ADAM7: variants seen among roughly 807,000 people sequenced by gnomAD.
ADAM7 encodes the protein disintegrin and metalloproteinase domain-containing protein 7.
ADAM7 carries 97 observed loss-of-function variants against 102.9 expected under a neutral mutation model. The ratio of observed to expected loss-of-function variants is 0.94; its 90% CI spans 0.80 to 1.12. ADAM7 has a LOEUF of 1.12. Among genes scored for constraint, ADAM7 ranks in the 50% most tolerant of loss-of-function variants. The pLI is 0.00. For synonymous variants in ADAM7, 334 were observed against 304.4 expected, an observed-to-expected ratio of 1.10 and a Z score of -1.01; for missense variants, 991 against 908.7, an observed-to-expected ratio of 1.09 and a Z score of -1.16.
At chr8:24,502,891 T>C (rs1820809858) in intron 20 of ADAM7, among the ~76,000 whole-genome samples, 1 of 145,152 alleles carries the variant, frequency 6.9e-6, no homozygotes, top group Non-Finnish European at 1.5e-5. Context: ...ATTTCTCTGA[T>C]GCCTACCTAT....
In ADAM7 at chr8:24,491,838, C is replaced by T. The variant is rs866886644; in HGVS notation, c.1357-65C>T. Reference sequence around the variant, plus strand: ...TTGGATGAATGGGTCAACTTTCTGTCTACTTACGAAACCTTACCTACCTAA... The same window carrying T: ...TTGGATGAATGGGTCAACTTTCTGTTTACTTACGAAACCTTACCTACCTAA... On this transcript the variant is annotated intron_variant, in intron 13 of 21. Coordinates refer to ENST00000175238, the MANE Select transcript of ADAM7 (RefSeq NM_003817.4). 14 of 1,337,310 alleles carry T rather than the reference C, an allele frequency of 1.0e-5. No homozygotes were observed. In the African/African-American group the frequency reaches 1.6e-4, roughly 16 times the overall value. The allele number at this position is 1,337,310 out of a possible 1,614,324, so 82.8% of individuals were successfully genotyped here. A position where few individuals can be genotyped will look rare whatever the true frequency, so the allele number is the denominator to read the frequency against.
chr8:24,444,722 G>C (rs1216154077), intron 2 of ADAM7, among the ~76,000 whole-genome samples: 1 of 151,556 alleles, frequency 6.6e-6, no homozygotes, highest in Non-Finnish European at 1.5e-5. Context: ...CTGAGAAACT[G>C]TGAGACTTCA....
Position 24,501,583 on chromosome 8 carries a change from A to G in ADAM7, c.2208+7A>G, listed in dbSNP as rs1209363726. Reference sequence around the variant, plus strand: ...AGAAATTCATTTCCTAAATGTAAGAAACTTCCATTTGCAACAGTTAATTTA... The same window carrying G: ...AGAAATTCATTTCCTAAATGTAAGAGACTTCCATTTGCAACAGTTAATTTA... On this transcript the variant is annotated splice_region_variant and intron_variant, in intron 20 of 21. Transcript: ENST00000175238. The G allele has an allele frequency of 1.3e-6, 2 of 1,568,978 alleles. No homozygotes were observed. Among genetic ancestry groups the G allele is most frequent in the Admixed American group, 4.1e-5 (2 of 48,594 alleles).
chr8:24,485,718 C>G (rs1027989539), intron 10 of ADAM7, among the ~76,000 whole-genome samples: 1 of 152,048 alleles, frequency 6.6e-6, no homozygotes, highest in African/African-American at 2.4e-5. Flanking sequence ...TGTTCTAGTG[C>G]TGATAATAAG....
At chr8:24,479,507 A>G (rs1208460005) in intron 8 of ADAM7, among the ~76,000 whole-genome samples, 1 of 151,704 alleles carries the variant, frequency 6.6e-6, no homozygotes, top group Admixed American at 6.6e-5. Context: ...AGATTTTATA[A>G]TTTTTTGCAA....
chr8:24,506,183 T>C, intron 20 of ADAM7: 1 of 1,487,160 alleles, frequency 6.7e-7, no homozygotes, highest in East Asian at 2.5e-5. Context: ...TTCCTCTTGG[T>C]GGTGGGCTAT....
chr8:24,481,088 AAACAAAC>A (rs1326905727), intron 8 of ADAM7, among the ~76,000 whole-genome samples: 2 of 151,640 alleles, frequency 1.3e-5, no homozygotes, highest in African/African-American at 4.9e-5. Flanking sequence ...ACAAACAAAC[AAACAAAC>A]AATTCAGGGC....
chr8:24,476,605 G>A, intron 8 of ADAM7, 101 bp downstream of exon 8: 1 of 814,192 alleles, frequency 1.2e-6, no homozygotes, highest in Non-Finnish European at 1.9e-6. Flanking sequence ...TGATATTAAG[G>A]GAGTACAAAG....
At chr8:24,490,962 A>G in intron 13 of ADAM7, 74 bp downstream of exon 13, 1 of 1,464,150 alleles carries the variant, frequency 6.8e-7, no homozygotes, top group South Asian at 1.2e-5. Flanking sequence ...TTATCTAACC[A>G]CTGGACAGCC....
intron 21 of ADAM7, among the ~76,000 whole-genome samples, chr8:24,508,167 A>G (rs1360756681): frequency 6.6e-6 from 1 of 152,118 alleles, no homozygotes; most frequent in African/African-American, 2.4e-5. Context: ...TTCCTTCCAC[A>G]AAGCGTTCTT....
At chr8:24,444,909 A>C (rs1178365157) in intron 2 of ADAM7, among the ~76,000 whole-genome samples, 1 of 152,168 alleles carries the variant, frequency 6.6e-6, no homozygotes, top group Admixed American at 6.6e-5. Flanking sequence ...AGATGCTAAT[A>C]AACAGGGAAA....
chr8:24,446,880 TTATAA>T (rs1387171263), intron 2 of ADAM7, among the ~76,000 whole-genome samples: 1 of 148,898 alleles, frequency 6.7e-6, no homozygotes, highest in East Asian at 1.9e-4. Context: ...ACATGCTATG[TTATAA>T]TATAAATAGT....
At chr8:24,444,020 G>A (rs944044084) in intron 2 of ADAM7, among the ~76,000 whole-genome samples, 3 of 151,314 alleles carry the variant, frequency 2.0e-5, no homozygotes, top group East Asian at 3.9e-4. Context: ...ATAAGGGCAA[G>A]GAATATAAAC....
chr8:24,488,358 G>A (rs752329518), intron 11 of ADAM7, among the ~76,000 whole-genome samples: 6 of 152,112 alleles, frequency 3.9e-5, no homozygotes, highest in South Asian at 2.1e-4. Context: ...GAATCCCTTC[G>A]GAGCAGGTAT....
At chr8:24,490,770 T>A (rs774209121) in intron 12 of ADAM7, 29 bp from the exon 13 acceptor site, 5 of 1,604,396 alleles carry the variant, frequency 3.1e-6, no homozygotes, top group Non-Finnish European at 4.3e-6. Context: ...CATACCAATT[T>A]CTCATCTCTC....
chr8:24,499,972 G>A (rs748630973), intron 17 of ADAM7, among the ~76,000 whole-genome samples: 2 of 152,040 alleles, frequency 1.3e-5, no homozygotes, highest in African/African-American at 4.8e-5. Flanking sequence ...TTCACAGGCC[G>A]TTTTCAAAGA....
chr8:24,492,434 C>T (rs1321614456), intron 14 of ADAM7, 61 bp from the exon 15 acceptor site: 1 of 1,209,186 alleles, frequency 8.3e-7, no homozygotes, highest in South Asian at 1.5e-5. Context: ...AAAATAAGGT[C>T]TTTTATGATT....
At chr8:24,454,535 G>A (rs577266845) in intron 3 of ADAM7, among the ~76,000 whole-genome samples, 4 of 152,280 alleles carry the variant, frequency 2.6e-5, no homozygotes, top group East Asian at 1.9e-4. Flanking sequence ...GGAGTGACCC[G>A]ATTTTGCAGG....
intron 18 of ADAM7, 64 bp downstream of exon 18, chr8:24,500,320 T>G (rs1239995632): frequency 1.4e-6 from 2 of 1,480,268 alleles, no homozygotes; most frequent in East Asian, 4.6e-5. Flanking sequence ...AAGTTTTTCT[T>G]ATTTTTCAAG....
Sources: allele counts gnomAD v4.1 joint callset (sites outside exome capture counted in the v4.1 genomes callset), GRCh38; gene constraint gnomAD v4.1.1; transcripts MANE v1.5; gene names NCBI Gene and HGNC (gene_info 2026-07-23, HGNC 2026-07-21).